The following CDH19 variants were observed in gnomAD, a reference collection of about 807,000 sequenced individuals.
CDH19 encodes the protein cadherin-19.
In CDH19, 67 loss-of-function variants were observed where a neutral mutation model predicts 64.2. The ratio of observed to expected loss-of-function variants is 1.04; its 90% CI spans 0.86 to 1.28. The LOEUF (loss-of-function observed/expected upper bound fraction) is 1.28. Among genes scored for constraint, CDH19 ranks in the 50% most tolerant of loss-of-function variants. The pLI is 0.00. For synonymous variants in CDH19, 346 were observed against 319.3 expected, an observed-to-expected ratio of 1.08 and a Z score of -0.89; for missense variants, 1,030 against 929.0, an observed-to-expected ratio of 1.11 and a Z score of -1.41.
chr18:66,600,965 A>G (rs954103610), intron 1 of CDH19, among the ~76,000 whole-genome samples: 1 of 151,890 alleles, frequency 6.6e-6, no homozygotes, highest in Non-Finnish European at 1.5e-5. Flanking sequence ...TTTATTTCTC[A>G]TCAAATACTA....
intron 9 of CDH19, among the ~76,000 whole-genome samples, chr18:66,518,072 T>C (rs569335185): frequency 5.9e-5 from 9 of 152,182 alleles, no homozygotes; most frequent in African/African-American, 1.9e-4. Flanking sequence ...TTCTTATTAC[T>C]GTTTTAAATT....
chr18:66,545,934 C>T (rs1002771774), intron 5 of CDH19, among the ~76,000 whole-genome samples: 1 of 135,408 alleles, frequency 7.4e-6, no homozygotes, highest in Non-Finnish European at 1.6e-5. Context: ...AATATAACTA[C>T]AAATTGCTGG....
At chr18:66,582,997 T>G (rs771794293) in intron 1 of CDH19, among the ~76,000 whole-genome samples, 1 of 152,252 alleles carries the variant, frequency 6.6e-6, no homozygotes, top group South Asian at 2.1e-4. Flanking sequence ...GTATTTCACT[T>G]TTTATTCCCC....
Position 66,572,282 on chromosome 18 carries a change from A to T in CDH19, c.-78T>A. ...ACTAACAAAAATCTTGCTTTCTTTTATAATCTTTTCTGATTCTGTGTACCT... is the reference window on the plus strand; with the variant it reads ...ACTAACAAAAATCTTGCTTTCTTTTTTAATCTTTTCTGATTCTGTGTACCT... On this transcript the variant is annotated 5_prime_UTR_variant, in exon 2 of 12. Transcript: ENST00000262150. 1 of 1,169,588 alleles carries T rather than the reference A, an allele frequency of 8.6e-7. No homozygotes were observed. The allele number at this position is 1,169,588 out of a possible 1,614,324, so 72.5% of individuals were successfully genotyped here. A position where few individuals can be genotyped will look rare whatever the true frequency, so the allele number is the denominator to read the frequency against.
chr18:66,543,070 G>A (rs1263197612), intron 7 of CDH19, among the ~76,000 whole-genome samples: 2 of 152,142 alleles, frequency 1.3e-5, no homozygotes, highest in African/African-American at 4.8e-5. Flanking sequence ...TTGTCACCCA[G>A]GCCGGAGTGC....
intron 1 of CDH19, among the ~76,000 whole-genome samples, chr18:66,594,684 T>G (rs12967045): frequency 0.34 from 50,942 of 151,032 alleles, 9,991 homozygotes; most frequent in Non-Finnish European, 0.45. Context: ...CATAAAAAAT[T>G]ATGAGTTCAT....
intron 2 of CDH19, 54 bp downstream of exon 2, chr18:66,571,956 A>T: frequency 7.5e-7 from 1 of 1,328,686 alleles, no homozygotes; most frequent in Non-Finnish European, 1.0e-6. Context: ...CTTCTCCAAC[A>T]TATTTATTTA....
At chr18:66,593,697 C>T (rs1375492785) in intron 1 of CDH19, among the ~76,000 whole-genome samples, 1 of 152,052 alleles carries the variant, frequency 6.6e-6, no homozygotes, top group African/African-American at 2.4e-5. Context: ...CACTAATGTA[C>T]ACCATAAGTT....
chr18:66,576,923 G>A (rs117154521), intron 1 of CDH19, among the ~76,000 whole-genome samples: 59 of 151,510 alleles, frequency 3.9e-4, no homozygotes, highest in Non-Finnish European at 8.0e-4. Flanking sequence ...TACTAGCAAC[G>A]CATAAGCAAA....
intron 3 of CDH19, among the ~76,000 whole-genome samples, chr18:66,561,633 C>T (rs1238901949): frequency 1.3e-5 from 2 of 152,028 alleles, no homozygotes; most frequent in Non-Finnish European, 2.9e-5. Flanking sequence ...GCATGCATAC[C>T]TGAGTGGGGT....
intron 1 of CDH19, among the ~76,000 whole-genome samples, chr18:66,599,206 A>G (rs1988980404): frequency 6.6e-6 from 1 of 152,140 alleles, no homozygotes; most frequent in Admixed American, 6.5e-5. Context: ...GGACTAGGTT[A>G]GCACAATGTT....
intron 3 of CDH19, among the ~76,000 whole-genome samples, chr18:66,561,148 C>T (rs867171950): frequency 1.3e-5 from 2 of 152,052 alleles, no homozygotes; most frequent in Non-Finnish European, 2.9e-5. Flanking sequence ...ATTTGTCTGA[C>T]AGACTGTTTC....
chr18:66,521,028 T>C (rs1226637227), intron 9 of CDH19, among the ~76,000 whole-genome samples: 1 of 152,018 alleles, frequency 6.6e-6, no homozygotes, highest in Non-Finnish European at 1.5e-5. Context: ...TATTCTTAAA[T>C]AAAATTTTCT....
At chr18:66,568,732 A>G (rs1213813703) in intron 2 of CDH19, 22 bp from the exon 3 acceptor site, 2 of 1,557,642 alleles carry the variant, frequency 1.3e-6, no homozygotes, top group African/African-American at 1.4e-5. Context: ...AAGAGGGATC[A>G]TTTAGTTTCC....
At chr18:66,557,635 T>C (rs1326620160) in intron 3 of CDH19, among the ~76,000 whole-genome samples, 1 of 151,960 alleles carries the variant, frequency 6.6e-6, no homozygotes, top group Non-Finnish European at 1.5e-5. Context: ...GGCTATAGAA[T>C]TGGTGTAATT....
rs1191770632 is a variant in CDH19, at chr18:66,543,956, A to G, written c.1214+15T>C. The G allele has an allele frequency of 6.4e-7, 1 of 1,568,956 alleles. No individual in the cohort carries two copies. Among genetic ancestry groups the G allele is most frequent in the Non-Finnish European group, 8.7e-7 (1 of 1,156,012 alleles). On this transcript the variant is annotated intron_variant, in intron 7 of 11. Transcript: ENST00000262150. ...TTACTTATTTATTAATGCAAAACTG[A>G]CCTTACAGACATACCTGATAGGAGA...
At chr18:66,575,225 C>T (rs1044750378) in intron 1 of CDH19, among the ~76,000 whole-genome samples, 8 of 151,486 alleles carry the variant, frequency 5.3e-5, no homozygotes, top group Admixed American at 2.0e-4. Flanking sequence ...ACTCTGGGGT[C>T]GGGGGAGTGC....
At chr18:66,580,959 G>A (rs1988404768) in intron 1 of CDH19, among the ~76,000 whole-genome samples, 1 of 152,040 alleles carries the variant, frequency 6.6e-6, no homozygotes, top group Non-Finnish European at 1.5e-5. Flanking sequence ...GCTAGACTGA[G>A]AAACACTCTG....
Position 66,509,123 on chromosome 18 carries a change from G to C in CDH19, c.1700C>G (p.Thr567Ser). ...GTCACCACAGTCACAGACATGGATG[G>C]TAAGGGTGTTTGTACTTGTAAGTGA... ...IPSLTSTNTL[T>S]IHVCDCGDSG... The change falls in exon 11 of 12, where the codon ACC (threonine) becomes AGC (serine). Residue 567 changes from threonine to serine, a missense_variant. Coordinates refer to ENST00000262150, the MANE Select transcript of CDH19 (RefSeq NM_021153.4). The C allele has an allele frequency of 6.2e-6, 10 of 1,613,062 alleles. No individual in the cohort carries two copies. The highest frequency in any genetic ancestry group is 8.5e-6 in the Non-Finnish European group (10 of 1,179,366).
Sources: allele counts gnomAD v4.1 joint callset (sites outside exome capture counted in the v4.1 genomes callset), GRCh38; gene constraint gnomAD v4.1.1; transcripts MANE v1.5; gene names NCBI Gene and HGNC (gene_info 2026-07-23, HGNC 2026-07-21).